SCN7A: variants seen among roughly 807,000 people sequenced by gnomAD.
The protein encoded by SCN7A is sodium voltage-gated channel alpha subunit 7.
In SCN7A, 138 loss-of-function variants were observed where a neutral mutation model predicts 155.2. The observed-to-expected ratio is 0.89, with a 90% confidence interval of 0.77 to 1.02. SCN7A has a LOEUF of 1.02. SCN7A is among the 50% of genes least tolerant of loss of function. The pLI is 0.00. For missense variants in SCN7A, 2,058 were observed against 1,986.6 expected (o/e 1.04, Z -0.68); for synonymous variants, 693 against 649.0 (o/e 1.07, Z -1.03).
chr2:166,474,767 G>A (rs904560568), intron 3 of SCN7A, among the ~76,000 whole-genome samples: 1 of 151,444 alleles, frequency 6.6e-6, no homozygotes, highest in Admixed American at 6.6e-5. Context: ...TGTGGGATTA[G>A]GATAGCAAAG....
chr2:166,472,245 G>T, intron 6 of SCN7A, 72 bp downstream of exon 6: 1 of 1,422,918 alleles, frequency 7.0e-7, no homozygotes, highest in South Asian at 1.5e-5. Flanking sequence ...CTTTGCAGAC[G>T]TCAATTATTT....
intron 6 of SCN7A, among the ~76,000 whole-genome samples, chr2:166,471,729 G>T (rs1029502092): frequency 6.7e-6 from 1 of 149,908 alleles, no homozygotes; most frequent in African/African-American, 2.5e-5. Flanking sequence ...AAAATGTGGG[G>T]GGGGGGGTGG....
chr2:166,474,458 T>A lies in SCN7A; in HGVS notation c.235-114A>T, dbSNP rs1702735231. On this transcript the variant is annotated intron_variant, in intron 3 of 25. Transcript: ENST00000643258. ...TAGTCTTGGACTCTAAAAGCCATAC[T>A]CTTCTTTTTTTATATATTTTTATAG... 5 of 381,852 alleles carry A rather than the reference T, an allele frequency of 1.3e-5. No individual in the cohort carries two copies. In the East Asian group the frequency reaches 1.5e-4, roughly 12 times the overall value. The allele number at this position is 381,852 out of a possible 1,614,324, so 23.7% of individuals were successfully genotyped here.
chr2:166,406,653 G>C lies in SCN7A; in HGVS notation c.3983-7C>G. On this transcript the variant is annotated splice_polypyrimidine_tract_variant and splice_region_variant and intron_variant, in intron 25 of 25. Transcript: ENST00000643258. Reference sequence around the variant, plus strand: ...GTCATAGGCAGACATAGTCCTGGGGGTGGGAAAGATAAAGCAGGCTATACA... The same window carrying C: ...GTCATAGGCAGACATAGTCCTGGGGCTGGGAAAGATAAAGCAGGCTATACA... 1 of 1,567,640 alleles carries C rather than the reference G, an allele frequency of 6.4e-7. No individual in the cohort carries two copies. The highest frequency in any genetic ancestry group is 8.7e-7 in the Non-Finnish European group (1 of 1,153,148).
intron 15 of SCN7A, among the ~76,000 whole-genome samples, chr2:166,436,807 G>A (rs886876144): frequency 6.6e-6 from 1 of 152,198 alleles, no homozygotes; most frequent in African/African-American, 2.4e-5. Context: ...TCCTTTAGCT[G>A]TGCTTTAGCA....
At position 166,439,053 on chromosome 2, in the gene SCN7A, G is replaced by GTATATACA. The variant is rs1283353813; in HGVS notation, c.2157+2342_2157+2343insTGTATATA. On this transcript the variant is annotated intron_variant, in intron 15 of 25. Transcript: ENST00000643258. ...CACACATACATATATGTGTGTGTGT[G>GTATATACA]TGTATATATATATATATATATATAT... Among the ~76,000 whole-genome samples, 433 of 86,094 alleles carry GTATATACA rather than the reference G, an allele frequency of 5.0e-3. 8 individuals carry two copies. Among genetic ancestry groups the GTATATACA allele is most frequent in the African/African-American group, 0.022 (408 of 18,564 alleles). 56.5% of individuals were successfully genotyped at this position (86,094 alleles called of 152,430 possible).
chr2:166,451,701 A>C (rs1045669881), intron 11 of SCN7A, among the ~76,000 whole-genome samples: 83 of 152,134 alleles, frequency 5.5e-4, no homozygotes, highest in African/African-American at 1.8e-3. Context: ...TCACATCTCA[A>C]CTGAAGTGTC....
At chr2:166,467,828 G>C (rs1702570158) in intron 7 of SCN7A, among the ~76,000 whole-genome samples, 1 of 151,454 alleles carries the variant, frequency 6.6e-6, no homozygotes, top group South Asian at 2.1e-4. Flanking sequence ...TCTCTGCCTT[G>C]ATAAAAAAAA....
intron 20 of SCN7A, 149 bp from the exon 21 acceptor site, chr2:166,417,134 G>T (rs1030141269): frequency 4.8e-6 from 3 of 626,470 alleles, no homozygotes; most frequent in Non-Finnish European, 5.5e-6. Context: ...CCCACATGCT[G>T]GTACTGGAAT....
At chr2:166,492,399 G>C (rs1559134099) in intron 1 of SCN7A, among the ~76,000 whole-genome samples, 1 of 152,136 alleles carries the variant, frequency 6.6e-6, no homozygotes, top group Non-Finnish European at 1.5e-5. Context: ...TTTCTCCTAT[G>C]TTAAGTAACG....
At chr2:166,426,264 G>A (rs751235879) in intron 18 of SCN7A, among the ~76,000 whole-genome samples, 20 of 152,096 alleles carry the variant, frequency 1.3e-4, no homozygotes, top group Non-Finnish European at 2.9e-4. Flanking sequence ...TATATTCTAA[G>A]CAGCCTTTCC....
intron 21 of SCN7A, among the ~76,000 whole-genome samples, chr2:166,414,002 T>TATATAA (rs1443391022): frequency 4.4e-5 from 4 of 90,316 alleles, no homozygotes; most frequent in African/African-American, 1.8e-4. Flanking sequence ...TATATATATA[T>TATATAA]AAATATACTA....
Position 166,416,964 on chromosome 2 carries a change from T to A in SCN7A, c.3157A>T (p.Lys1053Ter). The change falls in exon 21 of 26, where the codon AAA (lysine) becomes TAA (stop). Residue 1053 changes from lysine to a stop codon, truncating the protein, a stop_gained. Transcript: ENST00000643258. LOFTEE classifies it high-confidence loss of function. The stretch of plus-strand genomic sequence containing the variant: ...ACATTCAAAGTGGGTAAGGTTGTTT[T>A]GATCAAAGCTCTCACAACCACCTGG... ...RMKVVVRALI[K>*]TTLPTLNVFL... 6.2e-7 allele frequency: 1 copy of A among 1,602,370 alleles called. No homozygotes were observed. The highest frequency in any genetic ancestry group is 8.5e-7 in the Non-Finnish European group (1 of 1,173,758).
At chr2:166,460,427 A>G (rs1268526265) in intron 10 of SCN7A, among the ~76,000 whole-genome samples, 1 of 152,144 alleles carries the variant, frequency 6.6e-6, no homozygotes, top group African/African-American at 2.4e-5. Context: ...AGACAAAAAT[A>G]CTTATTTTTT....
intron 2 of SCN7A, among the ~76,000 whole-genome samples, chr2:166,485,151 A>G (rs1470511740): frequency 6.6e-6 from 1 of 152,180 alleles, no homozygotes; most frequent in Admixed American, 6.6e-5. Context: ...ATTACAAACT[A>G]TATGATCCAA....
At chr2:166,412,760 C>G (rs1701229876) in intron 22 of SCN7A, 93 bp from the exon 23 acceptor site, 1 of 1,405,602 alleles carries the variant, frequency 7.1e-7, no homozygotes, top group Non-Finnish European at 9.3e-7. Flanking sequence ...ACAAAACAAG[C>G]ATTGTTATGC....
At chr2:166,436,289 T>C in intron 15 of SCN7A, 2 of 304,214 alleles carry the variant, frequency 6.6e-6, no homozygotes, top group South Asian at 5.3e-5. Flanking sequence ...CATGCTGTTC[T>C]CATGGTAGTG....
chr2:166,440,141 T>C (rs751312488), intron 15 of SCN7A, among the ~76,000 whole-genome samples: 3 of 152,198 alleles, frequency 2.0e-5, no homozygotes, highest in Non-Finnish European at 2.9e-5. Context: ...ATAACATTTT[T>C]ATAGACCAGG....
intron 15 of SCN7A, among the ~76,000 whole-genome samples, chr2:166,434,279 T>C (rs1033147301): frequency 1.3e-5 from 2 of 152,168 alleles, no homozygotes; most frequent in East Asian, 3.8e-4. Flanking sequence ...AAAACTTGTA[T>C]AGAAAAATCA....
Sources: gnomAD v4.1 joint callset for allele counts (sites outside exome capture counted in the v4.1 genomes callset) on GRCh38, gnomAD v4.1.1 for gene constraint, MANE v1.5 for transcripts, NCBI Gene and HGNC (gene_info 2026-07-23, HGNC 2026-07-21) for gene names.